GNG7: variants seen among roughly 807,000 people sequenced by gnomAD.
GNG7 encodes guanine nucleotide-binding protein G(I)/G(S)/G(O) subunit gamma-7.
GNG7 carries 1 observed loss-of-function variant against 4.0 expected under a neutral mutation model. The observed-to-expected ratio is 0.25, with a 90% confidence interval of 0.09 to 1.18. The LOEUF (loss-of-function observed/expected upper bound fraction) is 1.18, where lower values mean the gene tolerates loss of function less well. Ranked by LOEUF, GNG7 falls within the 50% of genes most tolerant of loss-of-function variation. The probability of loss-of-function intolerance (pLI) is 0.50; values close to 1 mark genes in which losing one functional copy is unlikely to be tolerated. For synonymous variants in GNG7, 34 were observed against 36.9 expected, an observed-to-expected ratio of 0.92 and a Z score of 0.29; for missense variants, 86 against 91.9, an observed-to-expected ratio of 0.94 and a Z score of 0.26.
At chr19:2,566,985 A>G (rs919915210) in intron 2 of GNG7, among the ~76,000 whole-genome samples, 1 of 151,956 alleles carries the variant, frequency 6.6e-6, no homozygotes, top group Non-Finnish European at 1.5e-5. Context: ...GGCGTCTGTA[A>G]TCCCAGCTAC....
chr19:2,546,933 C>G lies in GNG7; in HGVS notation c.-38+8216G>C, dbSNP rs966712064. Among the ~76,000 whole-genome samples, 3 of 152,154 alleles carry G rather than the reference C, an allele frequency of 2.0e-5. No homozygotes were observed. The highest frequency in any genetic ancestry group is 7.2e-5 in the African/African-American group (3 of 41,434). ...TCCCGGCTGAGGAAATGCTGTCACC[C>G]TGGCCCCGGGCCAGGGCAAGGGGCA... On this transcript the variant is annotated intron_variant, in intron 3 of 4. Transcript: ENST00000382159. This position sits in a 1 kb window ranked among gnomAD's most constrained non-coding sequence, Gnocchi z 6.3.
chr19:2,689,823 T>C (rs1913092878), intron 1 of GNG7, among the ~76,000 whole-genome samples: 1 of 152,020 alleles, frequency 6.6e-6, no homozygotes, highest in Non-Finnish European at 1.5e-5. Context: ...CGAGATGGAC[T>C]CGAGGGCCAA....
At chr19:2,527,005 C>G (rs186378504) in intron 3 of GNG7, among the ~76,000 whole-genome samples, 1 of 152,022 alleles carries the variant, frequency 6.6e-6, no homozygotes, top group Non-Finnish European at 1.5e-5. Context: ...GCCACCACAC[C>G]GGGCTAATTT....
chr19:2,615,097 C>G (rs758870), intron 2 of GNG7, among the ~76,000 whole-genome samples: 1 of 152,150 alleles, frequency 6.6e-6, no homozygotes, highest in African/African-American at 2.4e-5. Flanking sequence ...GGAATAGCCC[C>G]GCTTTCTAGG....
intron 2 of GNG7, among the ~76,000 whole-genome samples, chr19:2,583,422 T>C (rs1355406908): frequency 1.3e-5 from 2 of 152,182 alleles, no homozygotes; most frequent in Non-Finnish European, 2.9e-5. Flanking sequence ...GCCGTCTTCA[T>C]GGGGTGAGGT....
chr19:2,604,160 C>A (rs1159349831), intron 2 of GNG7, among the ~76,000 whole-genome samples: 2 of 151,858 alleles, frequency 1.3e-5, no homozygotes, highest in African/African-American at 2.4e-5. Flanking sequence ...TCGAGAAGTG[C>A]CTGTTTTAAC....
chr19:2,639,422 C>T (rs1039523008), intron 2 of GNG7, among the ~76,000 whole-genome samples: 8 of 146,610 alleles, frequency 5.5e-5, no homozygotes, highest in South Asian at 2.2e-4. Flanking sequence ...GCCCAGAGAA[C>T]GGTCGGATTC....
At chr19:2,600,741 G>T (rs1396413172) in intron 2 of GNG7, among the ~76,000 whole-genome samples, 2 of 151,740 alleles carry the variant, frequency 1.3e-5, no homozygotes, top group African/African-American at 4.8e-5. Flanking sequence ...CTCTCAAAGC[G>T]CTGGGATTAC....
intron 2 of GNG7, among the ~76,000 whole-genome samples, chr19:2,600,250 GTAAC>G (rs1222193921): frequency 2.7e-5 from 4 of 149,716 alleles, no homozygotes; most frequent in East Asian, 1.9e-4. Flanking sequence ...TAAGTGAAAA[GTAAC>G]TATTTTTCAA....
At chr19:2,673,624 T>C (rs911832514) in intron 1 of GNG7, among the ~76,000 whole-genome samples, 9 of 142,910 alleles carry the variant, frequency 6.3e-5, no homozygotes, top group East Asian at 2.1e-4. Context: ...ACCCAGGAGG[T>C]GGAGGTTGCA....
intron 1 of GNG7, among the ~76,000 whole-genome samples, chr19:2,678,500 G>A (rs1983650114): frequency 6.6e-6 from 1 of 152,128 alleles, no homozygotes; most frequent in Non-Finnish European, 1.5e-5. Flanking sequence ...TGGGCAGGTG[G>A]GTCACACCCA....
intron 2 of GNG7, among the ~76,000 whole-genome samples, chr19:2,635,490 G>A (rs1018730790): frequency 6.6e-6 from 1 of 152,254 alleles, no homozygotes. Context: ...CTCCTCACTC[G>A]GAGTGTGGAT....
At chr19:2,515,214 C>A in intron 4 of GNG7, 67 bp from the exon 5 acceptor site, 1 of 1,593,460 alleles carries the variant, frequency 6.3e-7, no homozygotes, top group Non-Finnish European at 8.5e-7. Flanking sequence ...GGGTTCACAG[C>A]AGCACCATTC....
At chr19:2,601,888 T>G (rs1981209276) in intron 2 of GNG7, among the ~76,000 whole-genome samples, 1 of 146,336 alleles carries the variant, frequency 6.8e-6, no homozygotes, top group African/African-American at 2.5e-5. Context: ...GGCCACAGAG[T>G]AAGACCCTGT....
chr19:2,533,052 C>T (rs1298012527), intron 3 of GNG7, among the ~76,000 whole-genome samples: 1 of 151,816 alleles, frequency 6.6e-6, no homozygotes, highest in African/African-American at 2.4e-5. Context: ...AAATGCCTGT[C>T]AACGAGAGAA....
Position 2,633,311 on chromosome 19 carries a change from A to G in GNG7, c.-78+12913T>C, listed in dbSNP as rs1982210335. Among the ~76,000 whole-genome samples the G allele has an allele frequency of 6.6e-6, 1 of 151,952 alleles. No homozygotes were observed. The highest frequency in any genetic ancestry group is 6.6e-5 in the Admixed American group (1 of 15,264). The stretch of plus-strand genomic sequence containing the variant: ...TCTCTGGCCTCCACTCGGCTCCCCC[A>G]TGTCCCCTGCCCCCAGCATCTCATC... On this transcript the variant is annotated intron_variant, in intron 2 of 4. Transcript: ENST00000382159. This position sits in a 1 kb window ranked among gnomAD's most constrained non-coding sequence, Gnocchi z 5.9.
At chr19:2,531,720 G>A (rs530008357) in intron 3 of GNG7, among the ~76,000 whole-genome samples, 52 of 150,678 alleles carry the variant, frequency 3.5e-4, no homozygotes, top group African/African-American at 1.0e-3. Flanking sequence ...GCAGTGAACC[G>A]AGATCGTGCC....
rs1412113377 is a variant in GNG7 at position 2,617,095 on chromosome 19, A to AC, written c.-78+29128dup. Among the ~76,000 whole-genome samples the AC allele has an allele frequency of 6.6e-6, 1 of 152,158 alleles. No individual in the cohort carries two copies. The highest frequency in any genetic ancestry group is 1.5e-5 in the Non-Finnish European group (1 of 68,026). On this transcript the variant is annotated intron_variant, in intron 2 of 4. Coordinates refer to ENST00000382159, the MANE Select transcript of GNG7 (RefSeq NM_052847.3). This position sits in a 1 kb window ranked among gnomAD's most constrained non-coding sequence, Gnocchi z 4.7. ...ATTTCAGCCTAATTACATTCCGTTA[A>AC]CCCAAAGTCTCTGACGTTCAGGGCT... is the stretch of plus-strand genomic sequence containing the variant.
chr19:2,685,819 C>T (rs1414140268), intron 1 of GNG7, among the ~76,000 whole-genome samples: 2 of 152,114 alleles, frequency 1.3e-5, no homozygotes, highest in Admixed American at 1.3e-4. Context: ...CGGCCTTGAA[C>T]ACCCAGCGAC....
Sources: gnomAD v4.1 joint callset for allele counts (sites outside exome capture counted in the v4.1 genomes callset) on GRCh38, gnomAD v4.1.1 for gene constraint, Gnocchi (gnomAD v3.1) non-coding constraint, MANE v1.5 for transcripts, NCBI Gene and HGNC (gene_info 2026-07-23, HGNC 2026-07-21) for gene names.